The following TLE3 variants were observed in gnomAD, a reference collection of about 807,000 sequenced individuals.
The protein encoded by TLE3 is TLE family member 3, transcriptional corepressor, also known as transducin-like enhancer protein 3.
A neutral mutation model predicts 93.0 loss-of-function variants in TLE3; 14 were observed. The observed-to-expected ratio is 0.15, with a 90% CI of 0.10 to 0.24. The LOEUF is 0.24. Among genes scored for constraint, TLE3 ranks in the 10% least tolerant of loss-of-function variants. The pLI is 1.00. For missense variants in TLE3, 693 were observed against 1,046.6 expected (o/e 0.66, Z 4.66); for synonymous variants, 451 against 425.0 (o/e 1.06, Z -0.75).
chr15:70,064,305 A>G, intron 8 of TLE3, 149 bp downstream of exon 8: 1 of 892,970 alleles, frequency 1.1e-6, no homozygotes, highest in South Asian at 1.6e-5. Flanking sequence ...CAAAATCCCT[A>G]GTTACAACCC....
rs116680789 is a variant in TLE3 at position 70,053,088 on chromosome 15, C to T, written c.1974+139G>A. 1,376 of 1,123,626 alleles carry T rather than the reference C, an allele frequency of 1.2e-3. 9 individuals are homozygous for T. The African/African-American group carries it at 0.02, about 16-fold the overall frequency. 69.6% of individuals were successfully genotyped at this position (1,123,626 alleles called of 1,614,324 possible). A position where few individuals can be genotyped will look rare whatever the true frequency, so the allele number is the denominator to read the frequency against. On this transcript the variant is annotated intron_variant, in intron 17 of 19. Coordinates refer to ENST00000451782, the MANE Select transcript of TLE3 (RefSeq NM_001105192.3). ...CTGCTGCTTCCTCCAGGAAGCCTTC[C>T]CAGATGGCTCAGGTTGGTCCCAAGT...
intron 6 of TLE3, among the ~76,000 whole-genome samples, chr15:70,073,219 C>A (rs1338863600): frequency 6.6e-6 from 1 of 152,130 alleles, no homozygotes; most frequent in Non-Finnish European, 1.5e-5. Flanking sequence ...GTCAGGAGTG[C>A]CCAAAGAGAT....
chr15:70,095,608 C>T lies in TLE3; in HGVS notation c.159G>A (p.Glu53=), dbSNP rs1420833313. 6.4e-7 allele frequency: 1 copy of T among 1,551,646 alleles called. No homozygotes were observed. Among genetic ancestry groups the T allele is most frequent in the Admixed American group, 2.0e-5 (1 of 51,022 alleles). ...CATAATGGCGCTGCATCTCCGTCTT[C>T]TCGTTTGCCAGCTTGTCGTACTCCA... ...LKVEYDKLAN[E]KTEMQRHYVM... is the part of the protein sequence containing the mutation. Residue 53 remains glutamate (E), a synonymous_variant, in exon 3 of 20, where the codon GAG becomes GAA. Coordinates refer to ENST00000451782, the MANE Select transcript of TLE3 (RefSeq NM_001105192.3).
intron 16 of TLE3, chr15:70,053,597 T>G: frequency 1.0e-5 from 4 of 400,290 alleles, no homozygotes; most frequent in East Asian, 1.0e-4. Flanking sequence ...ACAAGTCCCC[T>G]GGGAAATGGG....
chr15:70,053,561 A>C (rs2055740609), intron 16 of TLE3, 187 bp from the exon 17 acceptor site: 1 of 592,410 alleles, frequency 1.7e-6, no homozygotes, highest in Non-Finnish European at 2.7e-6. Flanking sequence ...GCCTCTTTCC[A>C]GTTCCACGGA....
Position 70,048,652 on chromosome 15 carries a change from A to G in TLE3, c.*1445T>C, listed in dbSNP as rs1019997931. On this transcript the variant is annotated 3_prime_UTR_variant, in exon 20 of 20. Coordinates refer to ENST00000451782, the MANE Select transcript of TLE3 (RefSeq NM_001105192.3). ...AGAAAAAAAAAAAGACCAAAAGGAA[A>G]AAAAAAACAAACAAAAAAAACCCAA... The G allele has an allele frequency of 3.3e-5, 5 of 152,068 alleles. 1 individual carries two copies. The highest frequency in any genetic ancestry group is 3.3e-4 in the Admixed American group (5 of 15,260). 9.4% of individuals were successfully genotyped at this position (152,068 alleles called of 1,614,324 possible). A position where few individuals can be genotyped will look rare whatever the true frequency, so the allele number is the denominator to read the frequency against.
Position 70,097,259 on chromosome 15 carries a change from G to A in TLE3, c.-461C>T, listed in dbSNP as rs2058608896. Reference sequence around the variant, plus strand: ...GGGGGGCGCGCCGGGGCAGCCCCAAGCATCCGGGGCGCGCGGGTCCGATCC... The same window carrying A: ...GGGGGGCGCGCCGGGGCAGCCCCAAACATCCGGGGCGCGCGGGTCCGATCC... On this transcript the variant is annotated 5_prime_UTR_variant, in exon 1 of 20. Transcript: ENST00000451782. 11 of 400,514 alleles carry A rather than the reference G, an allele frequency of 2.7e-5. No homozygotes were observed. In the South Asian group the frequency reaches 8.1e-4, roughly 30 times the overall value. The allele number at this position is 400,514 out of a possible 1,614,324, so 24.8% of individuals were successfully genotyped here.
At chr15:70,071,882 C>A (rs981595662) in intron 6 of TLE3, among the ~76,000 whole-genome samples, 1 of 152,204 alleles carries the variant, frequency 6.6e-6, no homozygotes, top group African/African-American at 2.4e-5. Context: ...CACCTTGCTT[C>A]CCAGAGGCAG....
At chr15:70,056,710 G>A (rs2056064358) in intron 13 of TLE3, among the ~76,000 whole-genome samples, 1 of 152,150 alleles carries the variant, frequency 6.6e-6, no homozygotes, top group South Asian at 2.1e-4. Flanking sequence ...AGGTAAAAAG[G>A]AAAACTGTCT....
chr15:70,053,398 G>C, intron 16 of TLE3, 24 bp from the exon 17 acceptor site: 1 of 1,587,354 alleles, frequency 6.3e-7, no homozygotes, highest in Non-Finnish European at 8.6e-7. Flanking sequence ...GCAGGGAGGA[G>C]GGTGAGTCCC....
intron 9 of TLE3, among the ~76,000 whole-genome samples, chr15:70,059,832 G>C (rs1178303680): frequency 3.9e-5 from 6 of 152,226 alleles, no homozygotes; most frequent in Non-Finnish European, 7.3e-5. Context: ...CAGTCAGTGT[G>C]CTGCTCTCAC....
chr15:70,067,846 C>A (rs1253780445), intron 6 of TLE3, among the ~76,000 whole-genome samples: 1 of 152,236 alleles, frequency 6.6e-6, no homozygotes, highest in African/African-American at 2.4e-5. Flanking sequence ...GAAAGGCTGG[C>A]ACTGCGGCCG....
chr15:70,064,563 T>A, intron 7 of TLE3, 93 bp from the exon 8 acceptor site: 1 of 1,559,706 alleles, frequency 6.4e-7, no homozygotes, highest in Non-Finnish European at 8.8e-7. Flanking sequence ...TAAGTCCAGC[T>A]GGCTTTTGTG....
intron 3 of TLE3, among the ~76,000 whole-genome samples, chr15:70,094,958 G>A (rs545933521): frequency 1.8e-3 from 267 of 152,358 alleles, no homozygotes; most frequent in Non-Finnish European, 3.0e-3. Flanking sequence ...AAGCAGTGCA[G>A]GGAGCCGTGC....
At position 70,052,048 on chromosome 15, in the gene TLE3, A is replaced by T. The variant is rs558015728; in HGVS notation, c.2125+326T>A. 2.0e-5 allele frequency among the ~76,000 whole-genome samples: 3 copies of T among 152,270 alleles called. No homozygotes were observed. In the South Asian group the frequency reaches 6.2e-4, roughly 32 times the overall value. On this transcript the variant is annotated intron_variant, in intron 18 of 19. Transcript: ENST00000451782. Reference sequence around the variant, plus strand: ...GCAGACATTCCCATCCAAGGCTCTCAGATGCCAAAGCAAGTGGTTGTAACC... The same window carrying T: ...GCAGACATTCCCATCCAAGGCTCTCTGATGCCAAAGCAAGTGGTTGTAACC...
rs1312881006 is a variant in TLE3 at position 70,094,675 on chromosome 15, TTACGA to T, written c.190-104_190-100del. Reference sequence around the variant, plus strand: ...GAAAGGTTTTGGCCAAATCATACTTTTACGATACATTTGCTAAAGAAGTTTAAATC... The same window carrying T: ...GAAAGGTTTTGGCCAAATCATACTTTTACATTTGCTAAAGAAGTTTAAATC... On this transcript the variant is annotated intron_variant, in intron 3 of 19. Coordinates refer to ENST00000451782, the MANE Select transcript of TLE3 (RefSeq NM_001105192.3). 3 of 860,026 alleles carry T rather than the reference TTACGA, an allele frequency of 3.5e-6. No homozygotes were observed. The African/African-American group carries it at 5.2e-5, about 15-fold the overall frequency. 53.3% of individuals were successfully genotyped at this position (860,026 alleles called of 1,614,324 possible). A position where few individuals can be genotyped will look rare whatever the true frequency, so the allele number is the denominator to read the frequency against.
At chr15:70,056,468 C>G in intron 13 of TLE3, 94 bp from the exon 14 acceptor site, 1 of 1,129,896 alleles carries the variant, frequency 8.9e-7, no homozygotes, top group Non-Finnish European at 1.3e-6. Context: ...CCTACCTGCA[C>G]GGCTCTGCCA....
intron 6 of TLE3, among the ~76,000 whole-genome samples, chr15:70,068,189 T>C (rs2056937177): frequency 6.6e-6 from 1 of 152,238 alleles, no homozygotes; most frequent in African/African-American, 2.4e-5. Flanking sequence ...GTTTTTAAAA[T>C]TACCCTTCAA....
At chr15:70,096,054 G>T in intron 2 of TLE3, 107 bp downstream of exon 2, 1 of 1,303,702 alleles carries the variant, frequency 7.7e-7, no homozygotes, top group Non-Finnish European at 1.0e-6. Flanking sequence ...GGGCTGCCCC[G>T]CCGCCCCTAG....
Sources: allele counts gnomAD v4.1 joint callset (sites outside exome capture counted in the v4.1 genomes callset), GRCh38; gene constraint gnomAD v4.1.1; transcripts MANE v1.5; gene names NCBI Gene and HGNC (gene_info 2026-07-23, HGNC 2026-07-21).